UBR4: variants seen among roughly 807,000 people sequenced by gnomAD.
UBR4 encodes the protein ubiquitin protein ligase E3 component n-recognin 4.
UBR4 carries 124 observed loss-of-function variants against 575.6 expected under a neutral mutation model. The ratio of observed to expected loss-of-function variants is 0.22; its 90% CI spans 0.19 to 0.25. The LOEUF (loss-of-function observed/expected upper bound fraction) is 0.25, where lower values mean the gene tolerates loss of function less well. Among genes scored for constraint, UBR4 ranks in the 10% least tolerant of loss-of-function variants. The pLI is 1.00. For synonymous variants in UBR4, 2,455 were observed against 2,473.7 expected (o/e 0.99, Z 0.22); for missense variants, 4,818 against 6,478.8 (o/e 0.74, Z 8.80).
At chr1:19,136,764 GA>G (rs1168246795) in intron 60 of UBR4, among the ~76,000 whole-genome samples, 6 of 152,096 alleles carry the variant, frequency 3.9e-5, no homozygotes, top group African/African-American at 1.4e-4. Flanking sequence ...CAAATTAACT[GA>G]ACATAAGGGA....
chr1:19,076,881 C>G lies in UBR4; in HGVS notation c.15346G>C (p.Glu5116Gln). ...MFKKVPTSNT[E>Q]GGWSCSLAEY... Reference sequence around the variant, plus strand: ...GCGAGAGAGCAGGACCAGCCTCCCTCTGTGTTACTGGTAGGCACCTTCTAC... The same window carrying G: ...GCGAGAGAGCAGGACCAGCCTCCCTGTGTGTTACTGGTAGGCACCTTCTAC... The change falls in exon 105 of 106, where the codon GAG (glutamate) becomes CAG (glutamine). Residue 5116 changes from glutamate (E) to glutamine (Q), a missense_variant. Glu to Gln is a conservative substitution (Grantham distance 29). This residue lies in a region of UBR4 where 212 missense variants were observed against 221.3 expected (regional missense o/e 0.96). Coordinates refer to ENST00000375254, the MANE Select transcript of UBR4 (RefSeq NM_020765.3). 2 of 1,583,096 alleles carry G rather than the reference C, an allele frequency of 1.3e-6. No individual in the cohort carries two copies. Among genetic ancestry groups the G allele is most frequent in the Non-Finnish European group, 1.7e-6 (2 of 1,166,180 alleles).
At chr1:19,154,081 GT>G in intron 44 of UBR4, 142 bp from the exon 45 acceptor site, 1 of 941,812 alleles carries the variant, frequency 1.1e-6, no homozygotes. Context: ...CCACAGGTTA[GT>G]TTTATTCCAA....
chr1:19,113,478 T>A (rs2080138900), intron 77 of UBR4: 5 of 624,512 alleles, frequency 8.0e-6, no homozygotes, highest in South Asian at 2.5e-5. Flanking sequence ...ATCACCAGTA[T>A]GTTCAGTTAT....
chr1:19,132,251 G>A (rs1032512746), intron 60 of UBR4, among the ~76,000 whole-genome samples: 4 of 151,874 alleles, frequency 2.6e-5, no homozygotes, highest in Non-Finnish European at 4.4e-5. Flanking sequence ...GCGTGATCTC[G>A]GCTCATAGCA....
At chr1:19,111,595 G>T (rs1226339443) in intron 78 of UBR4, 2 of 152,198 alleles carry the variant, frequency 1.3e-5, no homozygotes, top group African/African-American at 4.8e-5. Context: ...GGGATTACAG[G>T]TGTGAGCCTG....
Position 19,153,572 on chromosome 1 carries a change from G to A in UBR4, c.6631-70C>T, listed in dbSNP as rs2086027494. 5.7e-6 allele frequency: 9 copies of A among 1,576,498 alleles called. No individual in the cohort carries two copies. The highest frequency in any genetic ancestry group is 7.0e-6 in the Non-Finnish European group (8 of 1,150,854). The stretch of plus-strand genomic sequence containing the variant: ...GATCAGCATCCTCACAGAAAAAGAG[G>A]CAGAGATGCAACTGGTTTCATGGTC... On this transcript the variant is annotated intron_variant, in intron 45 of 105. Coordinates refer to ENST00000375254, the MANE Select transcript of UBR4 (RefSeq NM_020765.3). The surrounding 1 kb of genome is among the most constrained non-coding windows in gnomAD (Gnocchi z 4.1).
At chr1:19,200,850 A>G (rs1398584221) in intron 2 of UBR4, among the ~76,000 whole-genome samples, 1 of 152,194 alleles carries the variant, frequency 6.6e-6, no homozygotes, top group Non-Finnish European at 1.5e-5. Context: ...TTGCTTAGCA[A>G]ACTGTTCAAA....
intron 81 of UBR4, among the ~76,000 whole-genome samples, chr1:19,109,460 G>T (rs1333096728): frequency 6.6e-6 from 1 of 152,228 alleles, no homozygotes; most frequent in Non-Finnish European, 1.5e-5. Context: ...CTCACAGCTA[G>T]CCTAGTAGAG....
At chr1:19,102,363 A>G (rs944567697) in intron 87 of UBR4, among the ~76,000 whole-genome samples, 11 of 147,466 alleles carry the variant, frequency 7.5e-5, no homozygotes, top group Middle Eastern at 3.5e-3. Flanking sequence ...AAACTTCGGG[A>G]AAAAAAAAAA....
chr1:19,170,887 G>A lies in UBR4; in HGVS notation c.3522-4C>T, dbSNP rs200967824. The A allele has an allele frequency of 6.2e-7, 1 of 1,614,030 alleles. No homozygotes were observed. Among genetic ancestry groups the A allele is most frequent in the African/African-American group, 1.3e-5 (1 of 74,996 alleles). ...AAAGTTTTGCAGCAAATAGGCTCTGGGGAAAAAACAGGGGGAAAGTGAAGC... is the reference window on the plus strand; with the variant it reads ...AAAGTTTTGCAGCAAATAGGCTCTGAGGAAAAAACAGGGGGAAAGTGAAGC... On this transcript the variant is annotated splice_polypyrimidine_tract_variant and splice_region_variant and intron_variant, in intron 25 of 105. Transcript: ENST00000375254.
At position 19,193,769 on chromosome 1, in the gene UBR4, G is replaced by GCA. The variant is rs149482852; in HGVS notation, c.1019-214_1019-213dup. Among the ~76,000 whole-genome samples the GCA allele has an allele frequency of 1.4e-3, 214 of 151,224 alleles. 2 individuals are homozygous for GCA. The highest frequency in any genetic ancestry group is 3.8e-3 in the African/African-American group (155 of 41,226). On this transcript the variant is annotated intron_variant, in intron 8 of 105. Transcript: ENST00000375254. ...AAATAAGCTGAAAACTTACACGCGC[G>GCA]CACACACACACACACTACACACGAA... is the stretch of plus-strand genomic sequence containing the variant.
intron 34 of UBR4, among the ~76,000 whole-genome samples, chr1:19,162,895 G>T (rs1448395527): frequency 6.6e-6 from 1 of 152,154 alleles, no homozygotes; most frequent in Non-Finnish European, 1.5e-5. Context: ...GAAGAATAGA[G>T]TAAAAACTGA....
intron 92 of UBR4, 55 bp from the exon 93 acceptor site, chr1:19,095,707 G>A: frequency 6.5e-7 from 1 of 1,535,092 alleles, no homozygotes; most frequent in Admixed American, 1.7e-5. Flanking sequence ...GTAGGACATG[G>A]GGGCCAGTAG....
chr1:19,119,704 G>A lies in UBR4; in HGVS notation c.10311-3C>T, dbSNP rs1171581335. 15 of 1,608,780 alleles carry A rather than the reference G, an allele frequency of 9.3e-6. No homozygotes were observed. Among genetic ancestry groups the A allele is most frequent in the Admixed American group, 3.3e-5 (2 of 59,898 alleles). ...CCTGTTGAGATTTGCTGGAATTTCTGTGGATATATGACAGCTCATGTTACC... is the reference window on the plus strand; with the variant it reads ...CCTGTTGAGATTTGCTGGAATTTCTATGGATATATGACAGCTCATGTTACC... On this transcript the variant is annotated splice_region_variant and splice_polypyrimidine_tract_variant and intron_variant, in intron 69 of 105. Coordinates refer to ENST00000375254, the MANE Select transcript of UBR4 (RefSeq NM_020765.3).
chr1:19,183,915 A>T lies in UBR4; in HGVS notation c.2099-19T>A. ...GATGAACCTTAAAGACAAGTAGAAA[A>T]GCCAATTATTTAAGCAGCTATTGAA... is the stretch of plus-strand genomic sequence containing the variant. On this transcript the variant is annotated intron_variant, in intron 16 of 105. Coordinates refer to ENST00000375254, the MANE Select transcript of UBR4 (RefSeq NM_020765.3). 1 of 1,614,028 alleles carries T rather than the reference A, an allele frequency of 6.2e-7. No homozygotes were observed.
chr1:19,160,781 T>C, intron 38 of UBR4, 136 bp downstream of exon 38: 1 of 815,886 alleles, frequency 1.2e-6, no homozygotes, highest in South Asian at 1.6e-5. Context: ...CAATACATAG[T>C]ATTTGCATTC....
chr1:19,206,988 A>C (rs1201117842), intron 1 of UBR4, among the ~76,000 whole-genome samples: 3 of 152,222 alleles, frequency 2.0e-5, no homozygotes, highest in East Asian at 3.8e-4. Context: ...AGATAAATAC[A>C]ATGGCTAAGC....
At chr1:19,159,612 T>G (rs1419268112) in intron 39 of UBR4, among the ~76,000 whole-genome samples, 1 of 151,586 alleles carries the variant, frequency 6.6e-6, no homozygotes, top group Non-Finnish European at 1.5e-5. Context: ...CCTTTTTTTT[T>G]TTTTTTTTGA....
intron 17 of UBR4, among the ~76,000 whole-genome samples, chr1:19,180,339 C>A (rs983543518): frequency 6.6e-6 from 1 of 152,018 alleles, no homozygotes; most frequent in Non-Finnish European, 1.5e-5. Context: ...CAAGCGTGTG[C>A]CACCATGCCT....
Sources: gnomAD v4.1 joint callset for allele counts (sites outside exome capture counted in the v4.1 genomes callset) on GRCh38, gnomAD v4.1.1 for gene constraint, gnomAD v4.1.1 regional missense constraint, Gnocchi (gnomAD v3.1) non-coding constraint, MANE v1.5 for transcripts, NCBI Gene and HGNC (gene_info 2026-07-23, HGNC 2026-07-21) for gene names.